The following TNRC6B variants were observed in gnomAD, a reference collection of about 807,000 sequenced individuals.
The protein encoded by TNRC6B is trinucleotide repeat containing adaptor 6B.
TNRC6B carries 52 observed loss-of-function variants against 203.6 expected under a neutral mutation model. The observed-to-expected ratio is 0.26, with a 90% confidence interval of 0.20 to 0.32. The LOEUF is 0.32. Among genes scored for constraint, TNRC6B ranks in the 10% least tolerant of loss-of-function variants. The pLI is 1.00. For missense variants in TNRC6B, 1,923 were observed against 2,286.2 expected, an observed-to-expected ratio of 0.84 and a Z score of 3.24; for synonymous variants, 838 against 845.7, an observed-to-expected ratio of 0.99 and a Z score of 0.16.
intron 1 of TNRC6B, among the ~76,000 whole-genome samples, chr22:40,051,347 G>T (rs2067742745): frequency 6.6e-6 from 1 of 152,170 alleles, no homozygotes. Flanking sequence ...ATTGCACCTT[G>T]GTTGTCCAGG....
At position 40,315,521 on chromosome 22, in the gene TNRC6B, G is replaced by C; in HGVS notation, c.4903+14G>C. On this transcript the variant is annotated intron_variant, in intron 20 of 22. Coordinates refer to ENST00000454349, the MANE Select transcript of TNRC6B (RefSeq NM_001162501.2). ...GGCTCGCCTCGGGTGAGGAGGATCT[G>C]CCTAAAGGAACACCATTGTTCATCC... 6.2e-7 allele frequency: 1 copy of C among 1,612,346 alleles called. No individual in the cohort carries two copies. The highest frequency in any genetic ancestry group is 8.5e-7 in the Non-Finnish European group (1 of 1,178,736).
At chr22:40,045,301 C>T (rs1339793211) in intron 1 of TNRC6B, among the ~76,000 whole-genome samples, 1 of 146,228 alleles carries the variant, frequency 6.8e-6, no homozygotes, top group Non-Finnish European at 1.5e-5. Flanking sequence ...GGGCGACGTC[C>T]GGCGCGCGGG....
chr22:40,205,803 A>C (rs1406050310), intron 1 of TNRC6B, among the ~76,000 whole-genome samples: 1 of 152,220 alleles, frequency 6.6e-6, no homozygotes, highest in Non-Finnish European at 1.5e-5. Flanking sequence ...AGTAAGTTTC[A>C]ATGCTACTTT....
Position 40,221,536 on chromosome 22 carries a change from C to G in TNRC6B, c.6-24479C>G, listed in dbSNP as rs573165720. Reference sequence around the variant, plus strand: ...CTCACTGCAGCCTCAACCTCCCTGGCTCAAGTGGTCCTCCCACCTCAGCTT... The same window carrying G: ...CTCACTGCAGCCTCAACCTCCCTGGGTCAAGTGGTCCTCCCACCTCAGCTT... On this transcript the variant is annotated intron_variant, in intron 1 of 22. Transcript: ENST00000454349. Among the ~76,000 whole-genome samples the G allele has an allele frequency of 5.9e-5, 9 of 152,308 alleles. No homozygotes were observed. In the South Asian group the frequency reaches 1.9e-3, roughly 32 times the overall value.
chr22:40,151,560 G>GAAAAA (rs147036721), intron 3 of TNRC6B, among the ~76,000 whole-genome samples: 97 of 140,296 alleles, frequency 6.9e-4, no homozygotes, highest in Non-Finnish European at 9.0e-4. Context: ...AAAGAAAAAA[G>GAAAAA]AAAAAAACTA....
chr22:40,111,974 G>A (rs1006517617), intron 1 of TNRC6B, among the ~76,000 whole-genome samples: 3 of 152,250 alleles, frequency 2.0e-5, no homozygotes, highest in Non-Finnish European at 4.4e-5. Flanking sequence ...GGTGGCAGGC[G>A]CCTGTAATTC....
intron 1 of TNRC6B, among the ~76,000 whole-genome samples, chr22:40,244,678 T>A (rs559829154): frequency 6.6e-6 from 1 of 152,214 alleles, no homozygotes; most frequent in African/African-American, 2.4e-5. Flanking sequence ...CTCAGCCTTA[T>A]GCTAGGTGAT....
intron 4 of TNRC6B, among the ~76,000 whole-genome samples, chr22:40,168,005 G>C (rs768475653): frequency 6.6e-6 from 1 of 152,190 alleles, no homozygotes; most frequent in Non-Finnish European, 1.5e-5. Context: ...AAGCAAATCT[G>C]TTTCAACCAT....
chr22:40,311,444 T>C (rs1317496049), intron 17 of TNRC6B, among the ~76,000 whole-genome samples: 3 of 152,230 alleles, frequency 2.0e-5, no homozygotes, highest in African/African-American at 7.2e-5. Flanking sequence ...AAGCAAAAAT[T>C]AAAATCAGTA....
At chr22:40,075,636 G>C (rs2146284763) in intron 1 of TNRC6B, among the ~76,000 whole-genome samples, 1 of 151,938 alleles carries the variant, frequency 6.6e-6, no homozygotes, top group East Asian at 1.9e-4. Flanking sequence ...CAATATGGTT[G>C]GGTTTAAGTT....
intron 3 of TNRC6B, among the ~76,000 whole-genome samples, chr22:40,254,695 G>A (rs2070242737): frequency 6.6e-6 from 1 of 152,172 alleles, no homozygotes; most frequent in South Asian, 2.1e-4. Context: ...AGACCTTCCT[G>A]GCTAACACAG....
At chr22:40,278,177 C>G (rs557627368) in intron 9 of TNRC6B, 133 bp downstream of exon 9, 1 of 698,806 alleles carries the variant, frequency 1.4e-6, no homozygotes, top group African/African-American at 1.8e-5. Context: ...TTGTAAGGTA[C>G]TGTGCTAGAC....
In TNRC6B at chr22:40,156,899, G is replaced by A. The variant is rs557045305; in HGVS notation, c.113+717G>A. On this transcript the variant is annotated intron_variant, in intron 4 of 23. Transcript: ENST00000301923. ...CTCAGCCTCCTAAATAGGACTAGGT[G>A]TGGTGGCGGGGACTACAGTTGCCCG... 6.0e-5 allele frequency among the ~76,000 whole-genome samples: 9 copies of A among 151,222 alleles called. No individual in the cohort carries two copies. In the South Asian group the frequency reaches 1.9e-3, roughly 32 times the overall value.
chr22:40,218,949 G>A lies in TNRC6B; in HGVS notation c.6-27066G>A, dbSNP rs529407668. On this transcript the variant is annotated intron_variant, in intron 1 of 22. Transcript: ENST00000454349. ...AACAGTGGGACACTTTTGAGGAAAA[G>A]CAGGCATAAATTAGAACTTCCTGGG... Among the ~76,000 whole-genome samples the A allele has an allele frequency of 4.6e-5, 7 of 152,356 alleles. No homozygotes were observed. In the South Asian group the frequency reaches 1.2e-3, roughly 27 times the overall value.
intron 12 of TNRC6B, among the ~76,000 whole-genome samples, chr22:40,298,508 G>A (rs900114711): frequency 6.6e-6 from 1 of 152,332 alleles, no homozygotes. Context: ...TCAGCCTGTG[G>A]AATAATGTGA....
chr22:40,316,147 G>A (rs2146570679), intron 21 of TNRC6B, 135 bp downstream of exon 21: 1 of 678,062 alleles, frequency 1.5e-6, no homozygotes. Flanking sequence ...GAGGTCAGGA[G>A]ATCAAGACCA....
intron 3 of TNRC6B, among the ~76,000 whole-genome samples, chr22:40,260,790 T>C (rs1392902504): frequency 6.6e-6 from 1 of 152,190 alleles, no homozygotes; most frequent in African/African-American, 2.4e-5. Context: ...TGCTTCCCTC[T>C]CCGCCTTAAT....
intron 15 of TNRC6B, 151 bp downstream of exon 15, chr22:40,301,484 G>C (rs1450697152): frequency 2.3e-6 from 2 of 864,998 alleles, no homozygotes; most frequent in Non-Finnish European, 1.7e-6. Flanking sequence ...GACATCTGAG[G>C]CTTCTTGAGT....
intron 6 of TNRC6B, among the ~76,000 whole-genome samples, chr22:40,271,823 T>C (rs2070567082): frequency 1.3e-5 from 2 of 152,230 alleles, no homozygotes; most frequent in South Asian, 2.1e-4. Context: ...AAGTTAAATG[T>C]GTAATGTGCG....
Sources: gnomAD v4.1 joint callset for allele counts (sites outside exome capture counted in the v4.1 genomes callset) on GRCh38, gnomAD v4.1.1 for gene constraint, MANE v1.5 for transcripts, NCBI Gene and HGNC (gene_info 2026-07-23, HGNC 2026-07-21) for gene names.